The following GSK3B variants were observed in gnomAD, a reference collection of about 807,000 sequenced individuals.
GSK3B encodes glycogen synthase kinase-3 beta.
A neutral mutation model predicts 56.4 loss-of-function variants in GSK3B; 15 were observed. That is an observed-to-expected ratio of 0.27 (90% confidence interval 0.18 to 0.41). GSK3B has a LOEUF of 0.41. Ranked by LOEUF, GSK3B falls within the 10% of genes least tolerant of loss-of-function variation. The probability of loss-of-function intolerance (pLI) is 1.00; values close to 1 mark genes in which losing one functional copy is unlikely to be tolerated. For synonymous variants in GSK3B, 181 were observed against 188.9 expected (o/e 0.96, Z 0.34); for missense variants, 300 against 513.4 (o/e 0.58, Z 4.02).
At chr3:119,976,514 T>A (rs919261507) in intron 2 of GSK3B, among the ~76,000 whole-genome samples, 2 of 152,024 alleles carry the variant, frequency 1.3e-5, no homozygotes, top group African/African-American at 4.8e-5. Context: ...GGCAAATCCA[T>A]AGACAGGTAG....
intron 2 of GSK3B, among the ~76,000 whole-genome samples, chr3:119,994,153 C>A (rs2057592624): frequency 6.6e-6 from 1 of 152,116 alleles, no homozygotes; most frequent in Admixed American, 6.5e-5. Context: ...TGAGCCACTG[C>A]ACCTGGCCTG....
intron 7 of GSK3B, among the ~76,000 whole-genome samples, chr3:119,877,857 C>T (rs2056331986): frequency 6.6e-6 from 1 of 152,056 alleles, no homozygotes; most frequent in Admixed American, 6.6e-5. Flanking sequence ...ACATTAAATG[C>T]TAAAAATTGA....
At chr3:119,867,701 A>G (rs2056201491) in intron 8 of GSK3B, among the ~76,000 whole-genome samples, 1 of 152,192 alleles carries the variant, frequency 6.6e-6, no homozygotes, top group Non-Finnish European at 1.5e-5. Flanking sequence ...AGAACAAAAA[A>G]TGGCAGAACT....
At chr3:120,010,286 T>C (rs2107496630) in intron 1 of GSK3B, among the ~76,000 whole-genome samples, 1 of 152,300 alleles carries the variant, frequency 6.6e-6, no homozygotes. Flanking sequence ...ACTACAACTT[T>C]TCAAGCTGAC....
At chr3:120,062,578 G>T (rs1229725329) in intron 1 of GSK3B, among the ~76,000 whole-genome samples, 1 of 152,116 alleles carries the variant, frequency 6.6e-6, no homozygotes, top group African/African-American at 2.4e-5. Context: ...AGTGAAAAAA[G>T]AACTCAGAAC....
intron 2 of GSK3B, among the ~76,000 whole-genome samples, chr3:119,971,186 C>T (rs1284731320): frequency 6.6e-6 from 1 of 152,184 alleles, no homozygotes; most frequent in African/African-American, 2.4e-5. Context: ...CCTCAGAATG[C>T]TGTAGGTTTT....
Position 119,931,972 on chromosome 3 carries a change from A to C in GSK3B, c.367-8489T>G, listed in dbSNP as rs182477397. The stretch of plus-strand genomic sequence containing the variant: ...TATGAACTCCACATTAAAACCACAC[A>C]CTGAGTAAGAAATTTAAGTGATAAA... On this transcript the variant is annotated intron_variant, in intron 3 of 10. Coordinates refer to ENST00000264235, the MANE Select transcript of GSK3B (RefSeq NM_001146156.2). 2.3e-3 allele frequency among the ~76,000 whole-genome samples: 349 copies of C among 152,290 alleles called. 2 individuals carry two copies. The highest frequency in any genetic ancestry group is 7.5e-3 in the African/African-American group (313 of 41,558).
At chr3:120,020,055 T>C (rs1047937718) in intron 1 of GSK3B, among the ~76,000 whole-genome samples, 2 of 152,240 alleles carry the variant, frequency 1.3e-5, no homozygotes, top group African/African-American at 4.8e-5. Context: ...AGCTTTTCTG[T>C]ATAACAAAAT....
At chr3:120,022,284 A>G (rs1156327103) in intron 1 of GSK3B, among the ~76,000 whole-genome samples, 1 of 152,246 alleles carries the variant, frequency 6.6e-6, no homozygotes, top group African/African-American at 2.4e-5. Context: ...GGATGTTTTA[A>G]CTAAGGCTGT....
At position 120,061,722 on chromosome 3, in the gene GSK3B, AATTTATTT is replaced by A. The variant is rs200808389; in HGVS notation, c.88+31617_88+31624del. On this transcript the variant is annotated intron_variant, in intron 1 of 10. Transcript: ENST00000264235. The stretch of plus-strand genomic sequence containing the variant: ...AACTGTCCTCCAGAAAGAATATATG[AATTTATTT>A]ATTTATTTATTTATTTATTTTTACA... Among the ~76,000 whole-genome samples, 7 of 151,960 alleles carry A rather than the reference AATTTATTT, an allele frequency of 4.6e-5. No individual in the cohort carries two copies. In the South Asian group the frequency reaches 8.3e-4, roughly 18 times the overall value.
intron 2 of GSK3B, among the ~76,000 whole-genome samples, chr3:119,975,777 T>C (rs748858198): frequency 4.6e-5 from 7 of 152,172 alleles, no homozygotes; most frequent in African/African-American, 2.4e-5. Flanking sequence ...TAATAATGTA[T>C]AAATAATGGT....
intron 1 of GSK3B, among the ~76,000 whole-genome samples, chr3:120,064,966 A>C (rs1472623723): frequency 6.6e-6 from 1 of 152,214 alleles, no homozygotes; most frequent in African/African-American, 2.4e-5. Context: ...CCATATACTA[A>C]AATTAACTCA....
chr3:119,900,771 G>A (rs1250670889), intron 7 of GSK3B, among the ~76,000 whole-genome samples: 1 of 151,954 alleles, frequency 6.6e-6, no homozygotes, highest in Non-Finnish European at 1.5e-5. Flanking sequence ...AATCTATGTA[G>A]TCATTAAAAA....
intron 3 of GSK3B, among the ~76,000 whole-genome samples, chr3:119,942,450 C>T (rs896219494): frequency 6.6e-6 from 1 of 152,132 alleles, no homozygotes; most frequent in African/African-American, 2.4e-5. Flanking sequence ...AGGCACCCAC[C>T]ACCACACCCA....
intron 2 of GSK3B, among the ~76,000 whole-genome samples, chr3:119,962,116 C>G (rs2057277853): frequency 1.3e-5 from 2 of 152,200 alleles, no homozygotes; most frequent in Admixed American, 1.3e-4. Context: ...TGGCCCACCC[C>G]TGTAATCTCA....
chr3:120,021,007 T>C (rs926048814), intron 1 of GSK3B, among the ~76,000 whole-genome samples: 3 of 152,146 alleles, frequency 2.0e-5, no homozygotes, highest in Non-Finnish European at 2.9e-5. Flanking sequence ...CGGAACCCTC[T>C]TCAATTCTCT....
chr3:119,979,732 T>C (rs969493999), intron 2 of GSK3B, among the ~76,000 whole-genome samples: 30 of 152,222 alleles, frequency 2.0e-4, no homozygotes, highest in African/African-American at 6.0e-4. Context: ...TTGGTGCATA[T>C]GTAAAAAACC....
intron 2 of GSK3B, among the ~76,000 whole-genome samples, chr3:119,948,927 C>T (rs1319131953): frequency 6.6e-6 from 1 of 152,150 alleles, no homozygotes; most frequent in Non-Finnish European, 1.5e-5. Context: ...GTCTCGAACT[C>T]CTGACCTCAG....
At chr3:119,884,889 G>C (rs77885138) in intron 7 of GSK3B, among the ~76,000 whole-genome samples, 1 of 151,786 alleles carries the variant, frequency 6.6e-6, no homozygotes, top group Non-Finnish European at 1.5e-5. Flanking sequence ...ACATTATACC[G>C]AATGGGCAAA....
Sources: gnomAD v4.1 joint callset for allele counts (sites outside exome capture counted in the v4.1 genomes callset) on GRCh38, gnomAD v4.1.1 for gene constraint, MANE v1.5 for transcripts, NCBI Gene and HGNC (gene_info 2026-07-23, HGNC 2026-07-21) for gene names.